LAMA1: variants seen among roughly 807,000 people sequenced by gnomAD.
LAMA1 encodes the protein laminin subunit alpha 1, also known as laminin subunit alpha-1.
LAMA1 carries 219 observed loss-of-function variants against 348.7 expected under a neutral mutation model. The observed-to-expected ratio is 0.63, with a 90% CI of 0.56 to 0.70. The LOEUF is 0.70. Among genes scored for constraint, LAMA1 ranks in the 30% least tolerant of loss-of-function variants. The pLI is 0.00. For missense variants in LAMA1, 3,744 were observed against 3,888.0 expected (o/e 0.96, Z 0.99); for synonymous variants, 1,487 against 1,491.0 (o/e 1.00, Z 0.06).
intron 34 of LAMA1, 150 bp downstream of exon 34, chr18:6,995,207 T>A: frequency 1.4e-6 from 1 of 695,046 alleles, no homozygotes. Context: ...TCAAAACCAA[T>A]TTGATGATTA....
intron 39 of LAMA1, among the ~76,000 whole-genome samples, chr18:6,983,588 T>C (rs1207335462): frequency 6.6e-6 from 1 of 152,214 alleles, no homozygotes; most frequent in Non-Finnish European, 1.5e-5. Context: ...CACTGCATGC[T>C]TGCATTGGTT....
intron 3 of LAMA1, among the ~76,000 whole-genome samples, chr18:7,066,447 G>C (rs562628689): frequency 6.6e-6 from 1 of 152,072 alleles, no homozygotes; most frequent in African/African-American, 2.4e-5. Context: ...CTTTCTCTTT[G>C]GTTAGAATAT....
In LAMA1 at chr18:6,973,202, C is replaced by T; in HGVS notation, c.6629G>A (p.Gly2210Glu). Residue 2210 changes from glycine to glutamate, a missense_variant, in exon 47 of 63, where the codon GGA (glycine) becomes GAA (glutamate). This residue lies in a region of LAMA1 where 1,983 missense variants were observed against 1,934.3 expected (regional missense o/e 1.03). Transcript: ENST00000389658. The stretch of plus-strand genomic sequence containing the variant: ...CTTTACACTCAGTGAACCAATGTTT[C>T]CAAATCTAAGGGTTACAAAGAATTG... Reference protein sequence around the residue: ...RWHSIHVARFGNIGSLSVKEM... With the variant: ...RWHSIHVARFENIGSLSVKEM... 1 of 1,614,068 alleles carries T rather than the reference C, an allele frequency of 6.2e-7. No individual in the cohort carries two copies. Among genetic ancestry groups the T allele is most frequent in the East Asian group, 2.2e-5 (1 of 44,886 alleles).
At chr18:7,006,529 A>C (rs2057832683) in intron 29 of LAMA1, among the ~76,000 whole-genome samples, 1 of 152,206 alleles carries the variant, frequency 6.6e-6, no homozygotes, top group Non-Finnish European at 1.5e-5. Flanking sequence ...ACTGCAATTA[A>C]AAACAAGGCA....
At chr18:7,106,894 C>T (rs915745672) in intron 1 of LAMA1, among the ~76,000 whole-genome samples, 1 of 152,110 alleles carries the variant, frequency 6.6e-6, no homozygotes, top group African/African-American at 2.4e-5. Flanking sequence ...AGCCACCACC[C>T]ACCAACAGTG....
intron 29 of LAMA1, among the ~76,000 whole-genome samples, chr18:7,004,493 C>T (rs771553039): frequency 6.6e-6 from 1 of 152,158 alleles, no homozygotes; most frequent in Non-Finnish European, 1.5e-5. Context: ...GCTGGGATTA[C>T]ATGCATGAGC....
intron 37 of LAMA1, among the ~76,000 whole-genome samples, chr18:6,985,889 G>C (rs533295901): frequency 8.5e-4 from 130 of 152,292 alleles, no homozygotes; most frequent in Non-Finnish European, 1.6e-3. Flanking sequence ...CTCCCGAGTA[G>C]CTGGGACTAC....
chr18:7,069,779 C>T (rs1300407806), intron 3 of LAMA1, among the ~76,000 whole-genome samples: 2 of 151,910 alleles, frequency 1.3e-5, no homozygotes, highest in East Asian at 1.9e-4. Flanking sequence ...GTCTGGCACC[C>T]TCTTCCCCAG....
Position 7,013,890 on chromosome 18 carries a change from C to A in LAMA1, c.3288G>T (p.Gly1096=). 6.2e-7 allele frequency: 1 copy of A among 1,613,274 alleles called. No individual in the cohort carries two copies. Among genetic ancestry groups the A allele is most frequent in the Non-Finnish European group, 8.5e-7 (1 of 1,179,558 alleles). ...DCVPCDCDLR[G]TSGDACNLEQ... ...CCAGGTTGCAGGCGTCCCCCGACGT[C>A]CCCCTCAGGTCACAGTCACAGGGAA... is the stretch of plus-strand genomic sequence containing the variant. The change falls in exon 23 of 63, where the codon GGG becomes GGT. Residue 1096 remains glycine, a synonymous_variant. Coordinates refer to ENST00000389658, the MANE Select transcript of LAMA1 (RefSeq NM_005559.4).
intron 1 of LAMA1, among the ~76,000 whole-genome samples, chr18:7,095,994 G>A (rs961166755): frequency 1.9e-4 from 29 of 152,240 alleles, no homozygotes; most frequent in African/African-American, 6.8e-4. Flanking sequence ...CTTGAACCTA[G>A]GAGGCGGAGG....
chr18:7,067,551 G>A (rs1214314900), intron 3 of LAMA1, among the ~76,000 whole-genome samples: 1 of 152,058 alleles, frequency 6.6e-6, no homozygotes, highest in East Asian at 1.9e-4. Context: ...CTGGGAAGGG[G>A]GTGGGGGAGC....
chr18:7,098,234 CA>C (rs1266574056), intron 1 of LAMA1, among the ~76,000 whole-genome samples: 1 of 152,184 alleles, frequency 6.6e-6, no homozygotes, highest in Non-Finnish European at 1.5e-5. Flanking sequence ...CTTGGCCTCC[CA>C]AAGTGCCGAG....
intron 29 of LAMA1, 149 bp downstream of exon 29, chr18:7,006,990 G>A (rs372046663): frequency 7.7e-5 from 94 of 1,213,644 alleles, no homozygotes; most frequent in East Asian, 3.1e-4. Flanking sequence ...AAGCTATGCC[G>A]TCCTCAAGGA....
At chr18:7,014,527 C>T (rs893185802) in intron 22 of LAMA1, among the ~76,000 whole-genome samples, 5 of 151,762 alleles carry the variant, frequency 3.3e-5, no homozygotes, top group Admixed American at 2.0e-4. Flanking sequence ...GGGCCTGAAG[C>T]GGGAGGATTG....
chr18:6,949,053 A>G (rs500355), intron 59 of LAMA1, 48 bp downstream of exon 59: 624,969 of 1,609,262 alleles, frequency 0.39, 126,416 homozygotes, highest in African/African-American at 0.57. Context: ...TACAAAATAA[A>G]CACGAACACA....
chr18:7,029,011 T>C (rs1446021775), intron 16 of LAMA1, among the ~76,000 whole-genome samples: 1 of 152,258 alleles, frequency 6.6e-6, no homozygotes, highest in Non-Finnish European at 1.5e-5. Context: ...TTCTAAACCA[T>C]ATACATTTCC....
At chr18:7,024,547 T>C in intron 17 of LAMA1, 81 bp from the exon 18 acceptor site, 1 of 1,138,618 alleles carries the variant, frequency 8.8e-7, no homozygotes, top group Non-Finnish European at 1.3e-6. Context: ...TCATTTCTAC[T>C]ACTCCTGTGC....
At chr18:6,969,329 C>T (rs375082180) in intron 48 of LAMA1, among the ~76,000 whole-genome samples, 1 of 152,104 alleles carries the variant, frequency 6.6e-6, no homozygotes, top group African/African-American at 2.4e-5. Context: ...GTGACCCTCA[C>T]CCAGAGGTAC....
intron 1 of LAMA1, among the ~76,000 whole-genome samples, chr18:7,101,511 G>C (rs543888596): frequency 6.6e-6 from 1 of 152,280 alleles, no homozygotes. Flanking sequence ...GCTAGTAAAG[G>C]TATGTTCATA....
Sources: gnomAD v4.1 joint callset for allele counts (sites outside exome capture counted in the v4.1 genomes callset) on GRCh38, gnomAD v4.1.1 for gene constraint, gnomAD v4.1.1 regional missense constraint, MANE v1.5 for transcripts, NCBI Gene and HGNC (gene_info 2026-07-23, HGNC 2026-07-21) for gene names.